Variants in LUZP2 observed in about 807,000 individuals in gnomAD.
The protein encoded by LUZP2 is leucine zipper protein 2.
In LUZP2, 52 loss-of-function variants were observed where a neutral mutation model predicts 51.6. The ratio of observed to expected loss-of-function variants is 1.01; its 90% confidence interval spans 0.81 to 1.27. The LOEUF is 1.27. Among genes scored for constraint, LUZP2 ranks in the 50% most tolerant of loss-of-function variants. The probability of loss-of-function intolerance (pLI) is 0.00; values close to 1 mark genes in which losing one functional copy is unlikely to be tolerated. For synonymous variants in LUZP2, 154 were observed against 137.3 expected (o/e 1.12, Z -0.85); for missense variants, 436 against 395.4 (o/e 1.10, Z -0.87).
At chr11:24,506,005 G>A (rs1850136538) in intron 1 of LUZP2, among the ~76,000 whole-genome samples, 1 of 152,032 alleles carries the variant, frequency 6.6e-6, no homozygotes, top group South Asian at 2.1e-4. Flanking sequence ...CAGGTGGCAG[G>A]ACTAAATGTG....
At chr11:24,933,598 C>T (rs1163139452) in intron 7 of LUZP2, among the ~76,000 whole-genome samples, 1 of 152,122 alleles carries the variant, frequency 6.6e-6, no homozygotes, top group Non-Finnish European at 1.5e-5. Flanking sequence ...GGATGCATTT[C>T]AGGAAGATAT....
intron 1 of LUZP2, among the ~76,000 whole-genome samples, chr11:24,636,523 G>A (rs1420460535): frequency 6.6e-6 from 1 of 152,106 alleles, no homozygotes; most frequent in Non-Finnish European, 1.5e-5. Context: ...ATATCATTGT[G>A]GGAGTATAAA....
intron 5 of LUZP2, among the ~76,000 whole-genome samples, chr11:24,839,872 T>C (rs529502155): frequency 1.3e-5 from 2 of 151,874 alleles, no homozygotes; most frequent in East Asian, 1.9e-4. Context: ...ACTCTTGATA[T>C]TGATATGCAG....
At chr11:24,593,023 G>T (rs186560325) in intron 1 of LUZP2, among the ~76,000 whole-genome samples, 1 of 151,954 alleles carries the variant, frequency 6.6e-6, no homozygotes, top group Admixed American at 6.6e-5. Context: ...TTGACACCTC[G>T]ATTCTTTCTT....
chr11:24,935,345 C>A (rs1854559125), intron 7 of LUZP2, among the ~76,000 whole-genome samples: 1 of 152,070 alleles, frequency 6.6e-6, no homozygotes, highest in South Asian at 2.1e-4. Flanking sequence ...TGTGAAGTTG[C>A]CTGGGCTACT....
intron 5 of LUZP2, among the ~76,000 whole-genome samples, chr11:24,811,671 G>A (rs1850027917): frequency 6.6e-6 from 1 of 152,046 alleles, no homozygotes; most frequent in South Asian, 2.1e-4. Context: ...CCCACATTCT[G>A]TCTTTCTGGA....
In LUZP2 at chr11:24,738,216, A is replaced by C. The variant is rs373314426; in HGVS notation, c.252-5A>C. On this transcript the variant is annotated splice_polypyrimidine_tract_variant and splice_region_variant and intron_variant, in intron 3 of 11. Coordinates refer to ENST00000336930, the MANE Select transcript of LUZP2 (RefSeq NM_001009909.4). ...TCACTTATGCTCTGTTTTCTACTAA[A>C]ATAGAGAAGAAATGAAGTCTCTTCA... 197 of 1,592,324 alleles carry C rather than the reference A, an allele frequency of 1.2e-4. No homozygotes were observed. In the African/African-American group the frequency reaches 2.5e-3, roughly 20 times the overall value.
chr11:24,774,510 A>T (rs1565131502), intron 5 of LUZP2, among the ~76,000 whole-genome samples: 1 of 111,320 alleles, frequency 9.0e-6, no homozygotes, highest in Non-Finnish European at 1.7e-5. Context: ...TATAGAATAT[A>T]TTCTATATAT....
At chr11:25,075,932 G>A (rs111901740) in intron 10 of LUZP2, among the ~76,000 whole-genome samples, 26 of 151,858 alleles carry the variant, frequency 1.7e-4, no homozygotes, top group African/African-American at 6.3e-4. Context: ...CTGATTCATC[G>A]CTTGGAAATA....
intron 5 of LUZP2, among the ~76,000 whole-genome samples, chr11:24,876,287 A>G (rs1364092218): frequency 6.7e-6 from 1 of 149,756 alleles, no homozygotes. Flanking sequence ...AGATGTAAGG[A>G]AGGGATCCAG....
intron 1 of LUZP2, among the ~76,000 whole-genome samples, chr11:24,562,155 CAG>C (rs1398680731): frequency 6.6e-6 from 1 of 151,966 alleles, no homozygotes; most frequent in Non-Finnish European, 1.5e-5. Context: ...CACAGAGTAA[CAG>C]AGTAGGTACC....
intron 1 of LUZP2, among the ~76,000 whole-genome samples, chr11:24,564,131 T>C (rs892721377): frequency 3.3e-5 from 5 of 152,166 alleles, no homozygotes; most frequent in African/African-American, 1.2e-4. Flanking sequence ...GGGCTTCATG[T>C]TGTTTGAATA....
At chr11:24,515,295 C>T (rs74401320) in intron 1 of LUZP2, among the ~76,000 whole-genome samples, 1 of 152,078 alleles carries the variant, frequency 6.6e-6, no homozygotes, top group African/African-American at 2.4e-5. Context: ...GTAACTTACT[C>T]TCTTCCTACA....
At chr11:24,989,971 C>T (rs1190328076) in intron 9 of LUZP2, among the ~76,000 whole-genome samples, 1 of 152,010 alleles carries the variant, frequency 6.6e-6, no homozygotes, top group Non-Finnish European at 1.5e-5. Flanking sequence ...ACCTAAATTG[C>T]AATTGTCATC....
chr11:24,932,268 T>C (rs905583016), intron 7 of LUZP2, among the ~76,000 whole-genome samples: 1 of 152,182 alleles, frequency 6.6e-6, no homozygotes, highest in Non-Finnish European at 1.5e-5. Context: ...CAAGAGATCA[T>C]CAGCTGCAGT....
chr11:24,576,412 CAAAAA>C (rs10549188), intron 1 of LUZP2, among the ~76,000 whole-genome samples: 5 of 75,180 alleles, frequency 6.7e-5, no homozygotes, highest in East Asian at 7.7e-4. Flanking sequence ...GACTCCATCT[CAAAAA>C]AAAAAAAAAA....
At chr11:24,701,668 T>G (rs2133911150) in intron 1 of LUZP2, 1 of 152,444 alleles carries the variant, frequency 6.6e-6, no homozygotes, top group African/African-American at 2.4e-5. Flanking sequence ...CGCAAGTTTG[T>G]TAGTAGCTCT....
intron 1 of LUZP2, among the ~76,000 whole-genome samples, chr11:24,560,349 AAAT>A (rs1277969110): frequency 6.6e-6 from 1 of 152,228 alleles, no homozygotes; most frequent in Non-Finnish European, 1.5e-5. Context: ...TGTATAAAGC[AAAT>A]ACAAATAACG....
intron 9 of LUZP2, among the ~76,000 whole-genome samples, chr11:25,025,597 C>T (rs1000502939): frequency 3.3e-5 from 5 of 152,214 alleles, no homozygotes; most frequent in African/African-American, 1.2e-4. Context: ...AATGAGATAC[C>T]ATCTCACACC....
Sources: gnomAD v4.1 joint callset for allele counts (sites outside exome capture counted in the v4.1 genomes callset) on GRCh38, gnomAD v4.1.1 for gene constraint, MANE v1.5 for transcripts, NCBI Gene and HGNC (gene_info 2026-07-23, HGNC 2026-07-21) for gene names.